UGT1A8: variants seen among roughly 807,000 people sequenced by gnomAD.
UGT1A8 encodes the protein UDP glucuronosyltransferase family 1 member A8.
Under a neutral mutation model 45.3 loss-of-function variants are expected in UGT1A8, and 39 were observed. The ratio of observed to expected loss-of-function variants is 0.86; its 90% CI spans 0.67 to 1.12. UGT1A8 has a LOEUF of 1.12. Among genes scored for constraint, UGT1A8 ranks in the 50% most tolerant of loss-of-function variants. The probability of loss-of-function intolerance (pLI) is 0.00; values close to 1 mark genes in which losing one functional copy is unlikely to be tolerated. For synonymous variants in UGT1A8, 275 were observed against 249.2 expected (o/e 1.10, Z -0.97); for missense variants, 719 against 664.9 (o/e 1.08, Z -0.90).
At chr2:233,675,300 T>C (rs1005490200) in intron 1 of UGT1A8, among the ~76,000 whole-genome samples, 2 of 152,210 alleles carry the variant, frequency 1.3e-5, no homozygotes, top group Non-Finnish European at 2.9e-5. Context: ...TCCAGCGTTC[T>C]AATGTGTGTG....
chr2:233,679,606 A>G (rs2074457257), intron 1 of UGT1A8, among the ~76,000 whole-genome samples: 1 of 151,524 alleles, frequency 6.6e-6, no homozygotes, highest in South Asian at 2.1e-4. Flanking sequence ...CTGTATTAAA[A>G]CCCTGTTCAG....
intron 1 of UGT1A8, chr2:233,761,003 A>G: frequency 6.2e-7 from 1 of 1,614,128 alleles, no homozygotes. Context: ...GAATTCCTTC[A>G]GAGAGAGGTG....
chr2:233,691,862 A>G (rs1473009985), intron 1 of UGT1A8: 1 of 157,276 alleles, frequency 6.4e-6, no homozygotes, highest in African/African-American at 2.4e-5. Context: ...GATGTATAAT[A>G]AGAAATATAT....
intron 4 of UGT1A8, 143 bp downstream of exon 4, chr2:233,768,582 C>CTTT (rs139595073): frequency 4.4e-4 from 456 of 1,032,814 alleles, no homozygotes; most frequent in African/African-American, 3.3e-3. Flanking sequence ...TTTATTTCTT[C>CTTT]TTTTTTTTTT....
intron 1 of UGT1A8, chr2:233,636,863 G>A (rs28969683): frequency 3.7e-6 from 6 of 1,614,164 alleles, no homozygotes; most frequent in East Asian, 2.2e-5. Flanking sequence ...AGTTCATCCA[G>A]TGGTTTTCTT....
At chr2:233,661,895 GACAA>G (rs1250324578) in intron 1 of UGT1A8, among the ~76,000 whole-genome samples, 1 of 151,688 alleles carries the variant, frequency 6.6e-6, no homozygotes, top group East Asian at 1.9e-4. Flanking sequence ...CACCAAACAT[GACAA>G]ACAATGCATG....
At chr2:233,620,201 G>A (rs928987235) in intron 1 of UGT1A8, among the ~76,000 whole-genome samples, 6 of 152,214 alleles carry the variant, frequency 3.9e-5, no homozygotes, top group Non-Finnish European at 7.3e-5. Flanking sequence ...TAAAAAGCAG[G>A]AAGACTACAG....
At chr2:233,656,108 T>C (rs1242682691) in intron 1 of UGT1A8, among the ~76,000 whole-genome samples, 1 of 152,086 alleles carries the variant, frequency 6.6e-6, no homozygotes, top group African/African-American at 2.4e-5. Context: ...ACATACATAT[T>C]CACCAGGTTA....
rs905208353 is a variant in UGT1A8 at position 233,747,345 on chromosome 2, C to T, written c.856-19689C>T. On this transcript the variant is annotated intron_variant, in intron 1 of 4. Coordinates refer to ENST00000373450, the MANE Select transcript of UGT1A8 (RefSeq NM_019076.5). ...TTGATGGCAGCCACTGGCTCGCATG[C>T]GGGAGGCCGTGCGGGAGCTCCATGC... is the stretch of plus-strand genomic sequence containing the variant. 3.8e-5 allele frequency: 61 copies of T among 1,602,546 alleles called. No individual in the cohort carries two copies. In the East Asian group the frequency reaches 5.4e-4, roughly 14 times the overall value.
intron 1 of UGT1A8, among the ~76,000 whole-genome samples, chr2:233,737,198 G>A (rs2078851013): frequency 6.6e-6 from 1 of 152,216 alleles, no homozygotes; most frequent in Non-Finnish European, 1.5e-5. Flanking sequence ...TTGCTGAGCT[G>A]CGGTGGACTC....
At chr2:233,621,494 T>A (rs1220112095) in intron 1 of UGT1A8, among the ~76,000 whole-genome samples, 1 of 152,176 alleles carries the variant, frequency 6.6e-6, no homozygotes, top group Non-Finnish European at 1.5e-5. Flanking sequence ...CTGGCTCCAG[T>A]TTAAGATCCA....
intron 1 of UGT1A8, chr2:233,681,919 T>C (rs1198812401): frequency 1.2e-6 from 2 of 1,605,714 alleles, no homozygotes; most frequent in South Asian, 2.2e-5. Context: ...AGCTGCTGGC[T>C]CTGGGCTGAA....
chr2:233,694,603 G>C (rs192830777), intron 1 of UGT1A8, among the ~76,000 whole-genome samples: 4 of 152,306 alleles, frequency 2.6e-5, no homozygotes. Context: ...AAGGGCTTCA[G>C]GCAACTCCCT....
At chr2:233,647,957 T>C (rs1396630329) in intron 1 of UGT1A8, 5 of 1,606,898 alleles carry the variant, frequency 3.1e-6, no homozygotes, top group Non-Finnish European at 3.4e-6. Flanking sequence ...TGGTTCACCA[T>C]GTGGTCGGTG....
intron 1 of UGT1A8, among the ~76,000 whole-genome samples, chr2:233,739,421 G>C (rs1173496275): frequency 2.6e-5 from 4 of 152,188 alleles, no homozygotes; most frequent in African/African-American, 9.7e-5. Context: ...AAAGCAGCCA[G>C]GACGAGGGCT....
chr2:233,689,577 A>C (rs1345310099), intron 1 of UGT1A8, among the ~76,000 whole-genome samples: 5 of 152,206 alleles, frequency 3.3e-5, no homozygotes, highest in African/African-American at 4.8e-5. Flanking sequence ...TCTGATTTGC[A>C]ATTAGCTAAG....
chr2:233,765,595 AG>A (rs1698878767), intron 1 of UGT1A8, among the ~76,000 whole-genome samples: 1 of 152,004 alleles, frequency 6.6e-6, no homozygotes, highest in South Asian at 2.1e-4. Flanking sequence ...AACACACACC[AG>A]GGCTTGTGGC....
intron 1 of UGT1A8, among the ~76,000 whole-genome samples, chr2:233,720,036 T>C (rs2076824550): frequency 6.6e-6 from 1 of 152,194 alleles, no homozygotes; most frequent in Admixed American, 6.5e-5. Context: ...GCTTGCCTGA[T>C]TTTCAGCTGA....
chr2:233,760,568 G>A (rs1252353903), intron 1 of UGT1A8: 1 of 1,614,246 alleles, frequency 6.2e-7, no homozygotes, highest in Non-Finnish European at 8.5e-7. Context: ...TCTTTTGTTA[G>A]TCTCGGGCAT....
Sources: gnomAD v4.1 joint callset for allele counts (sites outside exome capture counted in the v4.1 genomes callset) on GRCh38, gnomAD v4.1.1 for gene constraint, MANE v1.5 for transcripts, NCBI Gene and HGNC (gene_info 2026-07-23, HGNC 2026-07-21) for gene names.